The following PNPLA8 variants were observed in gnomAD, a reference collection of about 807,000 sequenced individuals.
PNPLA8 encodes calcium-independent phospholipase A2-gamma.
Under a neutral mutation model 76.9 loss-of-function variants are expected in PNPLA8, and 39 were observed. That is an observed-to-expected ratio of 0.51 (90% CI 0.39 to 0.66). The LOEUF (loss-of-function observed/expected upper bound fraction) is 0.66. Among genes scored for constraint, PNPLA8 ranks in the 30% least tolerant of loss-of-function variants. PNPLA8 has a pLI of 0.00. For missense variants in PNPLA8, 887 were observed against 918.0 expected (o/e 0.97, Z 0.44); for synonymous variants, 301 against 307.9 (o/e 0.98, Z 0.24).
intron 5 of PNPLA8, among the ~76,000 whole-genome samples, chr7:108,499,474 C>T (rs779902102): frequency 7.2e-5 from 11 of 152,240 alleles, no homozygotes; most frequent in Non-Finnish European, 1.3e-4. Flanking sequence ...TACTGCTTTC[C>T]GCACAAACCT....
chr7:108,482,423 G>C (rs1163903554), intron 9 of PNPLA8, among the ~76,000 whole-genome samples: 1 of 152,186 alleles, frequency 6.6e-6, no homozygotes, highest in Non-Finnish European at 1.5e-5. Context: ...AGTGAGCTGA[G>C]ATTGTGCCAC....
At chr7:108,504,964 T>A (rs552655777) in intron 4 of PNPLA8, among the ~76,000 whole-genome samples, 2 of 152,054 alleles carry the variant, frequency 1.3e-5, no homozygotes, top group African/African-American at 4.8e-5. Context: ...TAATCCCAGC[T>A]ACTAGGGAGG....
chr7:108,525,480 A>C (rs1368043007), intron 1 of PNPLA8, among the ~76,000 whole-genome samples: 1 of 152,240 alleles, frequency 6.6e-6, no homozygotes, highest in African/African-American at 2.4e-5. Flanking sequence ...TAGAAATGAC[A>C]CAGGGATAGG....
intron 6 of PNPLA8, 52 bp downstream of exon 6, chr7:108,497,431 C>T: frequency 1.6e-6 from 2 of 1,227,432 alleles, no homozygotes; most frequent in Non-Finnish European, 2.4e-6. Context: ...GCTTAATGTT[C>T]TTTTCCTTAA....
At chr7:108,489,193 T>C (rs1393130017) in intron 8 of PNPLA8, among the ~76,000 whole-genome samples, 1 of 152,216 alleles carries the variant, frequency 6.6e-6, no homozygotes, top group South Asian at 2.1e-4. Context: ...GCCTTGGAGA[T>C]ACAGGGGAAC....
At chr7:108,510,066 T>C (rs1314676135) in intron 4 of PNPLA8, among the ~76,000 whole-genome samples, 3 of 136,434 alleles carry the variant, frequency 2.2e-5, no homozygotes, top group East Asian at 4.4e-4. Flanking sequence ...TTGGGAGATA[T>C]ACCTAATGCT....
At chr7:108,479,053 C>T (rs1860197677) in intron 10 of PNPLA8, 131 bp downstream of exon 10, 3 of 610,124 alleles carry the variant, frequency 4.9e-6, no homozygotes. Context: ...CAAAATGTTT[C>T]CTCCCATGTA....
chr7:108,490,813 G>A (rs1423389908), intron 8 of PNPLA8, among the ~76,000 whole-genome samples: 1 of 151,304 alleles, frequency 6.6e-6, no homozygotes, highest in Non-Finnish European at 1.5e-5. Context: ...GGTAAAAAAT[G>A]TCATAATGTT....
chr7:108,477,959 A>G (rs545038374), intron 10 of PNPLA8, among the ~76,000 whole-genome samples: 16 of 152,356 alleles, frequency 1.1e-4, no homozygotes, highest in African/African-American at 2.9e-4. Context: ...TGGAGTCAAC[A>G]GCAAACTGGG....
chr7:108,486,923 C>T (rs1269018331), intron 9 of PNPLA8, among the ~76,000 whole-genome samples: 1 of 151,952 alleles, frequency 6.6e-6, no homozygotes, highest in Non-Finnish European at 1.5e-5. Flanking sequence ...TCTCATTCTA[C>T]TCCATCAAAT....
At position 108,471,865 on chromosome 7, in the gene PNPLA8, ATACTT is replaced by A. The variant is rs1275350241; in HGVS notation, c.*531_*535del. 1 of 152,208 alleles carries A rather than the reference ATACTT, an allele frequency of 6.6e-6. No homozygotes were observed. Among genetic ancestry groups the A allele is most frequent in the African/African-American group, 2.4e-5 (1 of 41,464 alleles). 9.4% of individuals were successfully genotyped at this position (152,208 alleles called of 1,614,324 possible). ...GGTTCTTTTTTATGTCAAATGTAAA[ATACTT>A]TAATAGAGAAAATTCCATTTTTCTG... On this transcript the variant is annotated 3_prime_UTR_variant, in exon 11 of 11. Transcript: ENST00000257694.
At chr7:108,527,178 G>A (rs566869066), upstream of PNPLA8, among the ~76,000 whole-genome samples, 1 of 152,286 alleles carries the variant, frequency 6.6e-6, no homozygotes, top group Admixed American at 6.5e-5. Context: ...GGGTATGTAT[G>A]CTTTAGCCCC....
rs1860849423 is a variant in PNPLA8, at chr7:108,487,796, T to C, written c.1841A>G (p.Tyr614Cys). 2 of 1,612,216 alleles carry C rather than the reference T, an allele frequency of 1.2e-6. No homozygotes were observed. Among genetic ancestry groups the C allele is most frequent in the Admixed American group, 1.7e-5 (1 of 59,638 alleles). The change falls in exon 9 of 11, where the codon TAC becomes TGC. Residue 614 changes from tyrosine to cysteine, a missense_variant. By Grantham distance (194) the Tyr-to-Cys change is radical. Coordinates refer to ENST00000257694, the MANE Select transcript of PNPLA8 (RefSeq NM_001256007.3). The part of the protein sequence containing the change: ...AIRASSAAPG[Y>C]FAEYALGNDL... ...ATTTCCCAATGCATATTCTGCAAAG[T>C]AGCCTGGAGCAGCAGATGAGGCTCT... is the stretch of plus-strand genomic sequence containing the variant.
At chr7:108,501,708 C>T (rs183181057) in intron 5 of PNPLA8, among the ~76,000 whole-genome samples, 1 of 152,240 alleles carries the variant, frequency 6.6e-6, no homozygotes, top group East Asian at 1.9e-4. Flanking sequence ...CCTATAATCC[C>T]AGCTGCTTCG....
chr7:108,503,638 C>T (rs902378372), intron 4 of PNPLA8, among the ~76,000 whole-genome samples: 8 of 152,130 alleles, frequency 5.3e-5, no homozygotes, highest in African/African-American at 1.9e-4. Flanking sequence ...TTAAAGGCAT[C>T]AGACAGAGAG....
At position 108,522,503 on chromosome 7, in the gene PNPLA8, T is replaced by A. The variant is rs558307530; in HGVS notation, c.-129-982A>T. Among the ~76,000 whole-genome samples, 2 of 152,212 alleles carry A rather than the reference T, an allele frequency of 1.3e-5. 1 individual carries two copies. Among genetic ancestry groups the A allele is most frequent in the African/African-American group, 4.8e-5 (2 of 41,542 alleles). On this transcript the variant is annotated intron_variant, in intron 1 of 10. Transcript: ENST00000257694. The stretch of plus-strand genomic sequence containing the variant: ...ACCTGGAGGCCCCGTCCCCTTTGAG[T>A]TGTCCTGCCCTTCCAAATCAAACCA...
intron 1 of PNPLA8, among the ~76,000 whole-genome samples, chr7:108,523,140 G>C (rs1015408776): frequency 3.3e-5 from 5 of 152,184 alleles, no homozygotes; most frequent in African/African-American, 1.2e-4. Flanking sequence ...AAACGGAGAG[G>C]CTGGGACCAA....
At chr7:108,485,476 G>A (rs994472435) in intron 9 of PNPLA8, among the ~76,000 whole-genome samples, 1 of 151,944 alleles carries the variant, frequency 6.6e-6, no homozygotes, top group African/African-American at 2.4e-5. Context: ...CTACTACAAT[G>A]GATACCAAGT....
At chr7:108,495,741 T>C (rs184781493) in intron 7 of PNPLA8, among the ~76,000 whole-genome samples, 1 of 152,284 alleles carries the variant, frequency 6.6e-6, no homozygotes, top group East Asian at 1.9e-4. Context: ...ATAAATGTCG[T>C]AAATGTCCAT....
Sources: allele counts gnomAD v4.1 joint callset (sites outside exome capture counted in the v4.1 genomes callset), GRCh38; gene constraint gnomAD v4.1.1; transcripts MANE v1.5; gene names NCBI Gene and HGNC (gene_info 2026-07-23, HGNC 2026-07-21).